CYP2C19: variants seen among roughly 807,000 people sequenced by gnomAD.
The protein encoded by CYP2C19 is cytochrome P450 2C19.
Under a neutral mutation model 40.9 loss-of-function variants are expected in CYP2C19, and 59 were observed. The observed-to-expected ratio is 1.44, with a 90% confidence interval of 1.17 to 1.79. The LOEUF (loss-of-function observed/expected upper bound fraction) is 1.79. Among genes scored for constraint, CYP2C19 ranks in the 40% most tolerant of loss-of-function variants. The pLI, the probability that CYP2C19 is intolerant of heterozygous loss-of-function variation, is 0.00. For missense variants in CYP2C19, 754 were observed against 596.9 expected (o/e 1.26, Z -2.74); for synonymous variants, 253 against 208.7 (o/e 1.21, Z -1.83).
At chr10:94,780,223 CTT>C (rs17885417) in intron 3 of CYP2C19, among the ~76,000 whole-genome samples, 7,249 of 152,118 alleles carry the variant, frequency 0.048, 242 homozygotes, top group South Asian at 0.11. Flanking sequence ...AAAAAAGTCT[CTT>C]TTTTTCTTTC....
At position 94,782,517 on chromosome 10, in the gene CYP2C19, G is replaced by A. The variant is rs527601707; in HGVS notation, c.819+520G>A. ...ATGTTTTTACTCTGTTTGTGGGAGC[G>A]TAAATTAGTTCAATCATTGTGGAAG... is the stretch of plus-strand genomic sequence containing the variant. On this transcript the variant is annotated intron_variant, in intron 5 of 8. Transcript: ENST00000371321. 3.5e-4 allele frequency among the ~76,000 whole-genome samples: 53 copies of A among 152,116 alleles called. 1 individual carries two copies. The highest frequency in any genetic ancestry group is 2.1e-4 in the South Asian group (1 of 4,832).
intron 5 of CYP2C19, among the ~76,000 whole-genome samples, chr10:94,805,334 T>C (rs1382876571): frequency 6.6e-6 from 1 of 152,184 alleles, no homozygotes; most frequent in Admixed American, 6.6e-5. Context: ...TATTCTAATA[T>C]GGTGTAGTGC....
intron 5 of CYP2C19, among the ~76,000 whole-genome samples, chr10:94,805,763 C>T (rs892785105): frequency 2.0e-5 from 3 of 152,126 alleles, no homozygotes; most frequent in African/African-American, 4.8e-5. Context: ...ATATAATTTC[C>T]TCAACTATGC....
chr10:94,799,818 C>T (rs1488030483), intron 5 of CYP2C19, among the ~76,000 whole-genome samples: 1 of 152,114 alleles, frequency 6.6e-6, no homozygotes, highest in Non-Finnish European at 1.5e-5. Flanking sequence ...CTTCTGCATG[C>T]ATCATGAAGT....
chr10:94,792,604 C>A (rs1462254490), intron 5 of CYP2C19, among the ~76,000 whole-genome samples: 1 of 152,098 alleles, frequency 6.6e-6, no homozygotes, highest in East Asian at 1.9e-4. Context: ...ATTTCTCCTT[C>A]GTTTATGAAG....
intron 6 of CYP2C19, among the ~76,000 whole-genome samples, chr10:94,823,979 C>A (rs533000095): frequency 1.3e-5 from 2 of 152,176 alleles, no homozygotes; most frequent in South Asian, 2.1e-4. Context: ...ACAGCAAGAA[C>A]AAGAGATGTG....
intron 5 of CYP2C19, among the ~76,000 whole-genome samples, chr10:94,797,448 A>G (rs1848705356): frequency 2.0e-5 from 3 of 151,602 alleles, no homozygotes. Context: ...TTGGCCTGAA[A>G]TTTTTTGTGT....
rs1383547697 is a variant in CYP2C19, at chr10:94,855,177, A to T, written c.*2263A>T. ...CTACTACTCTTATTCTCTCTCCCTT[A>T]TGTAAAGACCCTTGTGATTACATGA... is the stretch of plus-strand genomic sequence containing the variant. On this transcript the variant is annotated 3_prime_UTR_variant, in exon 9 of 9. Transcript: ENST00000371321. 1.3e-5 allele frequency among the ~76,000 whole-genome samples: 2 copies of T among 152,058 alleles called. No individual in the cohort carries two copies. The highest frequency in any genetic ancestry group is 3.9e-4 in the East Asian group (2 of 5,188).
chr10:94,850,620 T>C (rs569268267), intron 8 of CYP2C19, among the ~76,000 whole-genome samples: 4 of 152,328 alleles, frequency 2.6e-5, no homozygotes, highest in Non-Finnish European at 5.9e-5. Flanking sequence ...GCTGTCTGCT[T>C]CTTGTTATCT....
At chr10:94,771,587 G>A (rs1425941160) in intron 1 of CYP2C19, among the ~76,000 whole-genome samples, 1 of 152,062 alleles carries the variant, frequency 6.6e-6, no homozygotes, top group Non-Finnish European at 1.5e-5. Flanking sequence ...TTCAGGGTTT[G>A]TGAGTCAAAT....
chr10:94,821,693 G>A (rs940840467), intron 6 of CYP2C19, among the ~76,000 whole-genome samples: 1 of 152,028 alleles, frequency 6.6e-6, no homozygotes, highest in Admixed American at 6.6e-5. Context: ...TTTTTCCCCT[G>A]TGTCAGTATC....
chr10:94,774,044 A>G (rs1020366550), intron 1 of CYP2C19: 1 of 152,152 alleles, frequency 6.6e-6, no homozygotes, highest in South Asian at 2.1e-4. Flanking sequence ...TGCATTTACA[A>G]ACCTTTAGCT....
chr10:94,829,017 T>C (rs1849280732), intron 6 of CYP2C19, among the ~76,000 whole-genome samples: 1 of 152,174 alleles, frequency 6.6e-6, no homozygotes, highest in Non-Finnish European at 1.5e-5. Context: ...CTTGTAGAGT[T>C]TCTGCCGAGA....
intron 5 of CYP2C19, among the ~76,000 whole-genome samples, chr10:94,799,545 G>T (rs1030032933): frequency 6.6e-6 from 1 of 152,100 alleles, no homozygotes; most frequent in Admixed American, 6.5e-5. Flanking sequence ...TTGAATGTTG[G>T]CCTGCCTTGC....
intron 5 of CYP2C19, among the ~76,000 whole-genome samples, chr10:94,807,472 C>T (rs1241798771): frequency 6.6e-6 from 1 of 152,072 alleles, no homozygotes; most frequent in East Asian, 1.9e-4. Flanking sequence ...ATTCTTTATA[C>T]TGTTTTCCAT....
intron 1 of CYP2C19, among the ~76,000 whole-genome samples, chr10:94,771,067 T>C (rs1455502279): frequency 1.3e-5 from 2 of 152,182 alleles, no homozygotes; most frequent in African/African-American, 2.4e-5. Flanking sequence ...CCCTAGACCC[T>C]GTAGGACATC....
intron 2 of CYP2C19, 71 bp downstream of exon 2, chr10:94,775,291 T>C: frequency 6.2e-7 from 1 of 1,612,716 alleles, no homozygotes; most frequent in South Asian, 1.1e-5. Context: ...CTAGCAGAGC[T>C]TCTCGGGCAG....
intron 1 of CYP2C19, among the ~76,000 whole-genome samples, chr10:94,769,172 G>T (rs931039926): frequency 3.9e-5 from 6 of 152,062 alleles, no homozygotes; most frequent in Non-Finnish European, 2.9e-5. Context: ...TAGACGCCTT[G>T]TACCCTTGAT....
intron 7 of CYP2C19, among the ~76,000 whole-genome samples, chr10:94,844,362 A>G (rs1344870991): frequency 6.6e-6 from 1 of 152,186 alleles, no homozygotes; most frequent in East Asian, 1.9e-4. Flanking sequence ...ATTGTACATA[A>G]TGTGAACCCA....
Sources: gnomAD v4.1 joint callset for allele counts (sites outside exome capture counted in the v4.1 genomes callset) on GRCh38, gnomAD v4.1.1 for gene constraint, MANE v1.5 for transcripts, NCBI Gene and HGNC (gene_info 2026-07-23, HGNC 2026-07-21) for gene names.